The following SLCO4C1 variants were observed in gnomAD, a reference collection of about 807,000 sequenced individuals.
SLCO4C1 encodes organic anion transporter M1.
A neutral mutation model predicts 72.1 loss-of-function variants in SLCO4C1; 58 were observed. That is an observed-to-expected ratio of 0.80 (90% confidence interval 0.65 to 1.00). The LOEUF (loss-of-function observed/expected upper bound fraction) is 1.00, where lower values mean the gene tolerates loss of function less well. SLCO4C1 is among the 50% of genes least tolerant of loss of function. The pLI is 0.00. For missense variants in SLCO4C1, 898 were observed against 857.9 expected, an observed-to-expected ratio of 1.05 and a Z score of -0.58; for synonymous variants, 297 against 312.5, an observed-to-expected ratio of 0.95 and a Z score of 0.52.
chr5:102,250,530 C>T (rs1002170441), intron 8 of SLCO4C1, among the ~76,000 whole-genome samples: 6 of 152,136 alleles, frequency 3.9e-5, no homozygotes, highest in African/African-American at 1.2e-4. Flanking sequence ...AAGGATTTCA[C>T]AGTTTAGAAG....
At chr5:102,255,552 A>C (rs1748818570) in intron 8 of SLCO4C1, among the ~76,000 whole-genome samples, 1 of 152,198 alleles carries the variant, frequency 6.6e-6, no homozygotes, top group Admixed American at 6.5e-5. Flanking sequence ...TAGACACATA[A>C]TCTAAGTTCC....
chr5:102,254,963 T>C (rs531608951), intron 8 of SLCO4C1, among the ~76,000 whole-genome samples: 21 of 152,306 alleles, frequency 1.4e-4, no homozygotes, highest in African/African-American at 4.8e-4. Flanking sequence ...GTTTGTAATA[T>C]ACACATTTTA....
chr5:102,270,820 A>AG lies in SLCO4C1; in HGVS notation c.620-15_620-14insC, dbSNP rs1362217659. On this transcript the variant is annotated splice_polypyrimidine_tract_variant and intron_variant, in intron 2 of 12. Coordinates refer to ENST00000310954, the MANE Select transcript of SLCO4C1 (RefSeq NM_180991.5). ...TTACACAAGTGTCTTTGTGGAAAAAAAAATTGTGAATTTATAGAAATTCAG... is the reference window on the plus strand; with the variant it reads ...TTACACAAGTGTCTTTGTGGAAAAAAGAAATTGTGAATTTATAGAAATTCAG... The AG allele has an allele frequency of 1.3e-6, 2 of 1,545,866 alleles. No homozygotes were observed. The highest frequency in any genetic ancestry group is 2.8e-5 in the African/African-American group (2 of 71,690).
At chr5:102,251,712 G>A (rs993480758) in intron 8 of SLCO4C1, among the ~76,000 whole-genome samples, 5 of 152,128 alleles carry the variant, frequency 3.3e-5, no homozygotes, top group African/African-American at 1.2e-4. Flanking sequence ...CTCCAATTTG[G>A]TGGAGAAGAA....
At chr5:102,289,040 G>A (rs1199797525) in intron 2 of SLCO4C1, among the ~76,000 whole-genome samples, 2 of 152,112 alleles carry the variant, frequency 1.3e-5, no homozygotes, top group African/African-American at 4.8e-5. Context: ...TAACAGGAGG[G>A]CAAGCTGAGT....
At chr5:102,292,190 G>C (rs555545882) in intron 1 of SLCO4C1, among the ~76,000 whole-genome samples, 1 of 152,068 alleles carries the variant, frequency 6.6e-6, no homozygotes, top group Admixed American at 6.6e-5. Context: ...TGCTTGCTAC[G>C]TACTAAATTA....
chr5:102,240,614 T>C, intron 11 of SLCO4C1, 104 bp downstream of exon 11: 1 of 826,578 alleles, frequency 1.2e-6, no homozygotes, highest in Non-Finnish European at 2.0e-6. Context: ...TGATGTAGCC[T>C]TCCACTATAA....
intron 9 of SLCO4C1, among the ~76,000 whole-genome samples, chr5:102,248,329 T>C (rs750038737): frequency 2.6e-5 from 4 of 152,138 alleles, no homozygotes; most frequent in African/African-American, 4.8e-5. Context: ...CATGGACTGA[T>C]TGGACATAAA....
chr5:102,261,904 A>G lies in SLCO4C1; in HGVS notation c.1021+8T>C, dbSNP rs763732300. ...AAACCTCTCTGGTTTTAAAGAAAGCATGTTTACCTGGTAAATGTTTTGGAA... is the reference window on the plus strand; with the variant it reads ...AAACCTCTCTGGTTTTAAAGAAAGCGTGTTTACCTGGTAAATGTTTTGGAA... On this transcript the variant is annotated splice_region_variant and intron_variant, in intron 5 of 12. Transcript: ENST00000310954. The G allele has an allele frequency of 1.2e-6, 2 of 1,607,736 alleles. No homozygotes were observed. The highest frequency in any genetic ancestry group is 8.5e-7 in the Non-Finnish European group (1 of 1,177,710).
intron 8 of SLCO4C1, among the ~76,000 whole-genome samples, chr5:102,250,594 T>C (rs1748720585): frequency 1.3e-5 from 2 of 152,128 alleles, no homozygotes; most frequent in South Asian, 4.1e-4. Context: ...GTTACAGATA[T>C]CAGCAAAGTG....
chr5:102,279,339 A>G (rs1422022771), intron 2 of SLCO4C1, among the ~76,000 whole-genome samples: 2 of 152,078 alleles, frequency 1.3e-5, no homozygotes, highest in African/African-American at 4.8e-5. Flanking sequence ...TGCCATTAAA[A>G]GTAATGACAA....
At position 102,247,189 on chromosome 5, in the gene SLCO4C1, G is replaced by A. The variant is rs1748650580; in HGVS notation, c.1811+63C>T. 4 of 1,274,906 alleles carry A rather than the reference G, an allele frequency of 3.1e-6. No homozygotes were observed. The Admixed American group carries it at 9.4e-5, about 30-fold the overall frequency. The allele number at this position is 1,274,906 out of a possible 1,614,324, so 79.0% of individuals were successfully genotyped here. A position where few individuals can be genotyped will look rare whatever the true frequency, so the allele number is the denominator to read the frequency against. On this transcript the variant is annotated intron_variant, in intron 10 of 12. Coordinates refer to ENST00000310954, the MANE Select transcript of SLCO4C1 (RefSeq NM_180991.5). ...AATATGAACCCCAAATGAACCCCGA[G>A]TCCATTTGTTTTCCATCAACATGTT...
intron 1 of SLCO4C1, among the ~76,000 whole-genome samples, chr5:102,294,177 G>A (rs1370324225): frequency 6.6e-6 from 1 of 152,214 alleles, no homozygotes; most frequent in Admixed American, 6.5e-5. Context: ...CCAAAGTGCT[G>A]CAATTACAGG....
chr5:102,291,113 G>C (rs1026828568), intron 2 of SLCO4C1, among the ~76,000 whole-genome samples: 2 of 152,118 alleles, frequency 1.3e-5, no homozygotes, highest in East Asian at 1.9e-4. Context: ...GTATAATATG[G>C]GGAATAAGAA....
intron 8 of SLCO4C1, among the ~76,000 whole-genome samples, chr5:102,251,484 A>C (rs1309769623): frequency 1.3e-5 from 2 of 152,118 alleles, no homozygotes; most frequent in African/African-American, 4.8e-5. Context: ...AGGCTACTCA[A>C]GAGGCTTAGG....
intron 3 of SLCO4C1, among the ~76,000 whole-genome samples, chr5:102,265,492 T>G (rs1749020461): frequency 1.3e-5 from 2 of 152,200 alleles, no homozygotes; most frequent in African/African-American, 4.8e-5. Context: ...AGTTGATTTT[T>G]GTATATGGTG....
chr5:102,263,222 A>G (rs1456223887), intron 4 of SLCO4C1, among the ~76,000 whole-genome samples: 3 of 152,274 alleles, frequency 2.0e-5, no homozygotes, highest in Middle Eastern at 3.4e-3. Context: ...AATATTATCT[A>G]TTACTATCTT....
chr5:102,275,573 G>A (rs1749232848), intron 2 of SLCO4C1, among the ~76,000 whole-genome samples: 1 of 152,130 alleles, frequency 6.6e-6, no homozygotes, highest in Non-Finnish European at 1.5e-5. Flanking sequence ...TTTGAAGAGA[G>A]ACTCCAAGTC....
In SLCO4C1 at chr5:102,263,681, T is replaced by G. The variant is rs770113903; in HGVS notation, c.899+3A>C. On this transcript the variant is annotated splice_donor_region_variant and intron_variant, in intron 4 of 12. Coordinates refer to ENST00000310954, the MANE Select transcript of SLCO4C1 (RefSeq NM_180991.5). ...AATAAAAGAAAAATAGATACTGCCT[T>G]GCCTTTCTCCCATAGCAACATCAAT... 6.2e-6 allele frequency: 10 copies of G among 1,607,946 alleles called. No homozygotes were observed. Among genetic ancestry groups the G allele is most frequent in the Non-Finnish European group, 8.5e-6 (10 of 1,176,852 alleles).
Sources: gnomAD v4.1 joint callset for allele counts (sites outside exome capture counted in the v4.1 genomes callset) on GRCh38, gnomAD v4.1.1 for gene constraint, MANE v1.5 for transcripts, NCBI Gene and HGNC (gene_info 2026-07-23, HGNC 2026-07-21) for gene names.